The following LOXL3 variants were observed in gnomAD, a reference collection of about 807,000 sequenced individuals.
LOXL3 encodes lysyl oxidase like 3.
LOXL3 carries 60 observed loss-of-function variants against 91.8 expected under a neutral mutation model. That is an observed-to-expected ratio of 0.65 (90% CI 0.53 to 0.81). LOXL3 has a LOEUF of 0.81. LOXL3 is among the 30% of genes least tolerant of loss of function. LOXL3 has a pLI of 0.00. For missense variants in LOXL3, 874 were observed against 1,000.4 expected, an observed-to-expected ratio of 0.87 and a Z score of 1.70; for synonymous variants, 355 against 387.6, an observed-to-expected ratio of 0.92 and a Z score of 0.99.
intron 4 of LOXL3, among the ~76,000 whole-genome samples, chr2:74,543,346 G>A (rs1250547419): frequency 2.6e-5 from 4 of 151,834 alleles, no homozygotes; most frequent in African/African-American, 9.7e-5. Flanking sequence ...TCATAATCTT[G>A]TCTATTTCAT....
At chr2:74,543,900 C>CAGAAA (rs1676460186) in intron 4 of LOXL3, among the ~76,000 whole-genome samples, 1 of 65,166 alleles carries the variant, frequency 1.5e-5, no homozygotes, top group Non-Finnish European at 3.6e-5. Flanking sequence ...GGCTCTGTCT[C>CAGAAA]AAAAAAAAAA....
Position 74,552,398 on chromosome 2 carries a change from G to A in LOXL3, c.237C>T (p.Ala79=). The A allele has an allele frequency of 6.2e-7, 1 of 1,613,572 alleles. No homozygotes were observed. The highest frequency in any genetic ancestry group is 8.5e-7 in the Non-Finnish European group (1 of 1,179,572). ...AGCCCAGCTCCCGGCAGAGGATGTG[G>A]GCAGCCTGCAGCGTGAAGTCATCAT... ...ICDDDFTLQA[A]HILCRELGFT... The change falls in exon 2 of 14, where the codon GCC becomes GCT. Residue 79 remains alanine, a synonymous_variant. Transcript: ENST00000264094.
intron 1 of LOXL3, 23 bp downstream of exon 1, chr2:74,553,853 G>C (rs1457038819): frequency 9.9e-5 from 15 of 152,198 alleles, no homozygotes. Flanking sequence ...CATTCCCTCT[G>C]CGGTTAGCGT....
Position 74,535,187 on chromosome 2 carries a change from T to A in LOXL3, c.1579+105A>T. The A allele has an allele frequency of 1.5e-6, 2 of 1,362,330 alleles. No homozygotes were observed. Among genetic ancestry groups the A allele is most frequent in the Non-Finnish European group, 2.0e-6 (2 of 1,007,570 alleles). 84.4% of individuals were successfully genotyped at this position (1,362,330 alleles called of 1,614,324 possible). A position where few individuals can be genotyped will look rare whatever the true frequency, so the allele number is the denominator to read the frequency against. On this transcript the variant is annotated intron_variant, in intron 9 of 13. Coordinates refer to ENST00000264094, the MANE Select transcript of LOXL3 (RefSeq NM_032603.5). The surrounding 1 kb of genome is among the most constrained non-coding windows in gnomAD (Gnocchi z 4.2). ...CCACTGCACCCGGCGAAACTGGCTCTTTTATGGGGAAGAAGTGCCCCTCCA... is the reference window on the plus strand; with the variant it reads ...CCACTGCACCCGGCGAAACTGGCTCATTTATGGGGAAGAAGTGCCCCTCCA...
Position 74,535,837 on chromosome 2 carries a change from G to A in LOXL3, c.1249-82C>T, listed in dbSNP as rs1210853762. ...TCTCTAACAGATGTGGCTGAAGCGTGACTCAGGCACATAATGGGCTAGCAA... is the reference window on the plus strand; with the variant it reads ...TCTCTAACAGATGTGGCTGAAGCGTAACTCAGGCACATAATGGGCTAGCAA... On this transcript the variant is annotated intron_variant, in intron 7 of 13. Coordinates refer to ENST00000264094, the MANE Select transcript of LOXL3 (RefSeq NM_032603.5). The surrounding 1 kb of genome is among the most constrained non-coding windows in gnomAD (Gnocchi z 4.2). The A allele has an allele frequency of 6.7e-7, 1 of 1,498,832 alleles. No homozygotes were observed. The highest frequency in any genetic ancestry group is 8.9e-7 in the Non-Finnish European group (1 of 1,124,706). 92.8% of individuals were successfully genotyped at this position (1,498,832 alleles called of 1,614,324 possible).
intron 1 of LOXL3, among the ~76,000 whole-genome samples, chr2:74,553,602 G>A (rs1026794066): frequency 6.6e-6 from 1 of 152,228 alleles, no homozygotes; most frequent in African/African-American, 2.4e-5. Context: ...CAACAAGGCA[G>A]CTTTGTTCTG....
intron 3 of LOXL3, 28 bp downstream of exon 3, chr2:74,550,157 T>G: frequency 6.2e-7 from 1 of 1,603,548 alleles, no homozygotes; most frequent in Non-Finnish European, 8.5e-7. Flanking sequence ...CTGGGTAGTG[T>G]GTGTGTGTAT....
chr2:74,533,385 G>C lies in LOXL3; in HGVS notation c.*221C>G. The C allele has an allele frequency of 1.8e-6, 1 of 563,192 alleles. No individual in the cohort carries two copies. Among genetic ancestry groups the C allele is most frequent in the East Asian group, 3.1e-5 (1 of 32,678 alleles). 34.9% of individuals were successfully genotyped at this position (563,192 alleles called of 1,614,324 possible). ...TGGTGGGCTCTGGTCTGTTCTGCTC[G>C]GTGCTGGGCCTGGGAGCAAAGATTC... is the stretch of plus-strand genomic sequence containing the variant. On this transcript the variant is annotated 3_prime_UTR_variant, in exon 14 of 14. Transcript: ENST00000264094.
chr2:74,544,571 T>C (rs530884020), intron 4 of LOXL3, among the ~76,000 whole-genome samples: 69 of 152,350 alleles, frequency 4.5e-4, no homozygotes, highest in Non-Finnish European at 8.5e-4. Context: ...AGCCTCAATT[T>C]CATTACCTGT....
At chr2:74,548,787 G>C (rs958667961) in intron 4 of LOXL3, among the ~76,000 whole-genome samples, 1 of 151,966 alleles carries the variant, frequency 6.6e-6, no homozygotes, top group South Asian at 2.1e-4. Context: ...GTTGGGCCTC[G>C]CCAAAAGAGA....
At chr2:74,554,951 T>C (rs1432121257), upstream of LOXL3, 2 of 1,470,568 alleles carry the variant, frequency 1.4e-6, no homozygotes, top group Admixed American at 3.9e-5. This position sits in a 1 kb window ranked among gnomAD's most constrained non-coding sequence, Gnocchi z 4.9. Flanking sequence ...TGAAGTTGCT[T>C]TGCACACTCC....
In LOXL3 at chr2:74,537,061, CT is replaced by C. The variant is rs1470172706; in HGVS notation, c.693-134del. ...GACCATTTATCTCCTCTTCTTCCCC[CT>C]TCCATGTTTCCCTCGGGAGATACAT... On this transcript the variant is annotated intron_variant, in intron 4 of 13. Transcript: ENST00000264094. 6.9e-6 allele frequency: 5 copies of C among 725,478 alleles called. No homozygotes were observed. The Admixed American group carries it at 1.3e-4, about 19-fold the overall frequency. The allele number at this position is 725,478 out of a possible 1,614,324, so 44.9% of individuals were successfully genotyped here.
chr2:74,543,745 C>T (rs940095986), intron 4 of LOXL3, among the ~76,000 whole-genome samples: 4 of 150,524 alleles, frequency 2.7e-5, no homozygotes, highest in African/African-American at 9.8e-5. Flanking sequence ...ACCCAAAAAT[C>T]AGCAAATTAG....
rs1303924476 is a variant in LOXL3, at chr2:74,536,264, C to T, written c.1093+27G>A. ...CCCAGGAGCATGTACCTCCTTCCCT[C>T]TCCCTCCCACCTCCATGCCACCTCA... On this transcript the variant is annotated intron_variant, in intron 6 of 13. Transcript: ENST00000264094. This position sits in a 1 kb window ranked among gnomAD's most constrained non-coding sequence, Gnocchi z 4.5. 1 of 1,612,912 alleles carries T rather than the reference C, an allele frequency of 6.2e-7. No individual in the cohort carries two copies. The highest frequency in any genetic ancestry group is 8.5e-7 in the Non-Finnish European group (1 of 1,179,742).
At chr2:74,534,454 G>A (rs1675866024) in intron 10 of LOXL3, 23 bp from the exon 11 acceptor site, 1 of 1,613,804 alleles carries the variant, frequency 6.2e-7, no homozygotes, top group African/African-American at 1.3e-5. Flanking sequence ...GGGAACTTCT[G>A]TTTCCTTCTC....
chr2:74,554,260 G>A (rs1677221626), upstream of LOXL3: 1 of 156,102 alleles, frequency 6.4e-6, no homozygotes, highest in African/African-American at 2.4e-5. The surrounding 1 kb of genome is among the most constrained non-coding windows in gnomAD (Gnocchi z 4.9). Context: ...CGGTGGTGGC[G>A]GGAAGCGGTT....
At chr2:74,545,677 T>C (rs933088469) in intron 4 of LOXL3, among the ~76,000 whole-genome samples, 1 of 152,184 alleles carries the variant, frequency 6.6e-6, no homozygotes, top group Non-Finnish European at 1.5e-5. Context: ...AGCACTTTAC[T>C]TGGCTCCCAG....
chr2:74,554,775 AG>A, upstream of LOXL3: 1 of 1,613,996 alleles, frequency 6.2e-7, no homozygotes, highest in Non-Finnish European at 8.5e-7. The surrounding 1 kb of genome is among the most constrained non-coding windows in gnomAD (Gnocchi z 4.9). Context: ...CAGTGATGGA[AG>A]GGCCGCTTTT....
Position 74,534,588 on chromosome 2 carries a change from C to A in LOXL3, c.1766G>T (p.Arg589Leu). 6.2e-7 allele frequency: 1 copy of A among 1,614,236 alleles called. No individual in the cohort carries two copies. The highest frequency in any genetic ancestry group is 8.5e-7 in the Non-Finnish European group (1 of 1,180,050). Residue 589 changes from arginine (R) to leucine (L), a missense_variant, in exon 10 of 14, where the codon CGA becomes CTA. Coordinates refer to ENST00000264094, the MANE Select transcript of LOXL3 (RefSeq NM_032603.5). ...CCCAGCCTTGGGCCTGAAGTCAGCT[C>A]GTCCCAGGTTGTGGATCTGGGAGGA... ...RFSSQIHNLG[R>L]ADFRPKAGRH... is the part of the protein sequence containing the mutation.
Sources: allele counts gnomAD v4.1 joint callset (sites outside exome capture counted in the v4.1 genomes callset), GRCh38; gene constraint gnomAD v4.1.1; non-coding constraint Gnocchi (gnomAD v3.1); transcripts MANE v1.5; gene names NCBI Gene and HGNC (gene_info 2026-07-23, HGNC 2026-07-21).